The following PTPRT variants were observed in gnomAD, a reference collection of about 807,000 sequenced individuals.
The protein encoded by PTPRT is protein tyrosine phosphatase receptor type T.
In PTPRT, 56 loss-of-function variants were observed where a neutral mutation model predicts 176.8. The ratio of observed to expected loss-of-function variants is 0.32; its 90% CI spans 0.26 to 0.40. PTPRT has a LOEUF of 0.40. Ranked by LOEUF, PTPRT falls within the 10% of genes least tolerant of loss-of-function variation. PTPRT has a pLI of 1.00. For missense variants in PTPRT, 1,540 were observed against 1,908.2 expected, an observed-to-expected ratio of 0.81 and a Z score of 3.60; for synonymous variants, 783 against 739.0, an observed-to-expected ratio of 1.06 and a Z score of -0.96.
At chr20:43,003,475 T>A (rs1363871447) in intron 1 of PTPRT, among the ~76,000 whole-genome samples, 5 of 152,216 alleles carry the variant, frequency 3.3e-5, no homozygotes, top group African/African-American at 1.2e-4. Flanking sequence ...GTGCTCGGAT[T>A]ATAGGCTTGA....
intron 1 of PTPRT, among the ~76,000 whole-genome samples, chr20:43,106,254 T>C (rs2012599048): frequency 6.6e-6 from 1 of 152,106 alleles, no homozygotes; most frequent in African/African-American, 2.4e-5. Context: ...TTAGACTGAG[T>C]TTCCCAGGAG....
intron 1 of PTPRT, among the ~76,000 whole-genome samples, chr20:42,915,881 G>A (rs527272365): frequency 2.6e-5 from 4 of 151,964 alleles, no homozygotes; most frequent in South Asian, 2.1e-4. Flanking sequence ...GATTACAGGC[G>A]TGAGTCACCA....
intron 18 of PTPRT, among the ~76,000 whole-genome samples, chr20:42,137,390 G>GC (rs1443347085): frequency 6.6e-6 from 1 of 152,144 alleles, no homozygotes; most frequent in Non-Finnish European, 1.5e-5. Flanking sequence ...GCACTCCATA[G>GC]CCCCACCTCC....
intron 6 of PTPRT, among the ~76,000 whole-genome samples, chr20:42,741,127 T>C (rs767147113): frequency 9.9e-5 from 15 of 152,090 alleles, no homozygotes; most frequent in Non-Finnish European, 1.6e-4. Flanking sequence ...GGTAAACAGA[T>C]ATGTCAGAAG....
At chr20:42,446,364 A>G (rs1322422805) in intron 9 of PTPRT, among the ~76,000 whole-genome samples, 2 of 152,168 alleles carry the variant, frequency 1.3e-5, no homozygotes, top group African/African-American at 4.8e-5. Context: ...GTCTTTTATA[A>G]AACGATGTAA....
At chr20:42,712,286 A>AT (rs1368533598) in intron 6 of PTPRT, among the ~76,000 whole-genome samples, 1 of 152,018 alleles carries the variant, frequency 6.6e-6, no homozygotes, top group Non-Finnish European at 1.5e-5. Flanking sequence ...GTCAGCTTAG[A>AT]TTTTCTCAGG....
intron 7 of PTPRT, among the ~76,000 whole-genome samples, chr20:42,617,574 T>G (rs1368611555): frequency 0.03 from 4,126 of 136,916 alleles, 1,126 homozygotes; most frequent in African/African-American, 0.13. Context: ...GGTCCTGGAC[T>G]CTTTTTGGTT....
At chr20:43,149,689 C>T (rs1163122739) in intron 1 of PTPRT, among the ~76,000 whole-genome samples, 3 of 152,200 alleles carry the variant, frequency 2.0e-5, no homozygotes, top group African/African-American at 7.2e-5. Flanking sequence ...AAGGCCCTAG[C>T]ACTTTCTCAC....
At chr20:42,118,382 G>A in intron 21 of PTPRT, 21 bp downstream of exon 21, 5 of 1,588,542 alleles carry the variant, frequency 3.1e-6, no homozygotes, top group Non-Finnish European at 4.3e-6. Context: ...CTCTGCCCAG[G>A]CGAGTGCAGG....
intron 7 of PTPRT, among the ~76,000 whole-genome samples, chr20:42,538,282 C>A (rs1466305803): frequency 6.6e-6 from 1 of 152,058 alleles, no homozygotes; most frequent in Admixed American, 6.5e-5. Flanking sequence ...AGCAGGACAC[C>A]CCTCTCAAGG....
At chr20:42,737,004 A>T (rs764889833) in intron 6 of PTPRT, among the ~76,000 whole-genome samples, 7 of 152,194 alleles carry the variant, frequency 4.6e-5, no homozygotes, top group Non-Finnish European at 1.0e-4. Flanking sequence ...AGGAGTTGGG[A>T]GGGGGATTTC....
At chr20:42,880,848 G>C (rs2079001668) in intron 2 of PTPRT, among the ~76,000 whole-genome samples, 1 of 152,082 alleles carries the variant, frequency 6.6e-6, no homozygotes. Flanking sequence ...TATTTAGGTT[G>C]ACACAAAAGT....
intron 1 of PTPRT, among the ~76,000 whole-genome samples, chr20:43,182,395 T>C (rs555308912): frequency 9.8e-5 from 13 of 132,350 alleles, no homozygotes; most frequent in African/African-American, 3.4e-4. Context: ...ATCTTCCTTC[T>C]TTTTTTTTTT....
chr20:42,791,964 C>T (rs1347757742), intron 2 of PTPRT, among the ~76,000 whole-genome samples: 1 of 152,198 alleles, frequency 6.6e-6, no homozygotes. Context: ...CTTTGGGCTC[C>T]ACCATATGAC....
rs557643156 is a variant in PTPRT at position 42,180,231 on chromosome 20, G to T, written c.2492-18689C>A. Among the ~76,000 whole-genome samples, 3 of 152,218 alleles carry T rather than the reference G, an allele frequency of 2.0e-5. No individual in the cohort carries two copies. In the East Asian group the frequency reaches 5.8e-4, roughly 29 times the overall value. ...GAGGAGAAGTCCATATTTCTTATGG[G>T]TTCCACTGGTTTTGACTGACCTTTA... On this transcript the variant is annotated intron_variant, in intron 16 of 30. Transcript: ENST00000373187.
intron 6 of PTPRT, among the ~76,000 whole-genome samples, chr20:42,704,442 A>C (rs559699498): frequency 6.6e-6 from 1 of 152,244 alleles, no homozygotes; most frequent in South Asian, 2.1e-4. Context: ...AAAAAAAAAA[A>C]AAAAGTTCCA....
intron 7 of PTPRT, among the ~76,000 whole-genome samples, chr20:42,540,145 CA>C (rs2072552123): frequency 6.6e-6 from 1 of 152,084 alleles, no homozygotes; most frequent in Non-Finnish European, 1.5e-5. Flanking sequence ...TCATGTCATA[CA>C]AGTTTGGACA....
chr20:42,364,368 C>A (rs1003443089), intron 9 of PTPRT, among the ~76,000 whole-genome samples: 1 of 151,796 alleles, frequency 6.6e-6, no homozygotes, highest in Non-Finnish European at 1.5e-5. Flanking sequence ...AGGAAAGGAA[C>A]GAAAGGGAGG....
At chr20:42,285,371 A>G (rs1158379265) in intron 12 of PTPRT, among the ~76,000 whole-genome samples, 2 of 152,070 alleles carry the variant, frequency 1.3e-5, no homozygotes. Flanking sequence ...GTAATATATT[A>G]GAAAACTTGC....
Sources: gnomAD v4.1 joint callset for allele counts (sites outside exome capture counted in the v4.1 genomes callset) on GRCh38, gnomAD v4.1.1 for gene constraint, MANE v1.5 for transcripts, NCBI Gene and HGNC (gene_info 2026-07-23, HGNC 2026-07-21) for gene names.